The following ANK3 variants were observed in gnomAD, a reference collection of about 807,000 sequenced individuals.
ANK3 encodes the protein ankyrin 3.
In ANK3, 57 loss-of-function variants were observed where a neutral mutation model predicts 370.9. The ratio of observed to expected loss-of-function variants is 0.15; its 90% CI spans 0.12 to 0.19. The LOEUF is 0.19. Ranked by LOEUF, ANK3 falls within the 10% of genes least tolerant of loss-of-function variation. The pLI, the probability that ANK3 is intolerant of heterozygous loss-of-function variation, is 1.00. For synonymous variants in ANK3, 1,929 were observed against 1,946.3 expected, an observed-to-expected ratio of 0.99 and a Z score of 0.23; for missense variants, 4,439 against 5,302.1, an observed-to-expected ratio of 0.84 and a Z score of 5.06.
Position 60,403,680 on chromosome 10 carries a change from C to T in ANK3, c.97-124041G>A, listed in dbSNP as rs72806153. ...TCGGCTCATTGCAAGCTCCACCTCC[C>T]GGGTTCACACCATTCTCCTGAGTAT... On this transcript the variant is annotated intron_variant, in intron 2 of 43. Transcript: ENST00000373827. Among the ~76,000 whole-genome samples, 800 of 152,274 alleles carry T rather than the reference C, an allele frequency of 5.3e-3. 4 individuals are homozygous for T. The highest frequency in any genetic ancestry group is 0.012 in the South Asian group (58 of 4,828).
chr10:60,421,668 A>G (rs2063782096), intron 2 of ANK3, among the ~76,000 whole-genome samples: 2 of 152,018 alleles, frequency 1.3e-5, no homozygotes, highest in South Asian at 4.1e-4. Flanking sequence ...AAAGCAGGCT[A>G]CCATAGATCT....
intron 1 of ANK3, among the ~76,000 whole-genome samples, chr10:60,639,361 C>T (rs148946902): frequency 6.6e-5 from 10 of 150,462 alleles, no homozygotes; most frequent in Non-Finnish European, 1.5e-4. Flanking sequence ...TAGACCTCCA[C>T]TAAAAGATGG....
At chr10:60,559,153 A>G (rs890155491) in intron 2 of ANK3, among the ~76,000 whole-genome samples, 8 of 152,286 alleles carry the variant, frequency 5.3e-5, no homozygotes, top group Non-Finnish European at 1.2e-4. Context: ...TTTTTGGGGA[A>G]CGGGTGGTGT....
chr10:60,352,559 G>C (rs2132702538), intron 1 of ANK3, among the ~76,000 whole-genome samples: 1 of 152,192 alleles, frequency 6.6e-6, no homozygotes, highest in African/African-American at 2.4e-5. Context: ...GGAAACTATG[G>C]TGTTTGGCAT....
At chr10:60,443,533 A>G (rs912930553) in intron 2 of ANK3, among the ~76,000 whole-genome samples, 4 of 152,224 alleles carry the variant, frequency 2.6e-5, no homozygotes, top group Non-Finnish European at 5.9e-5. Context: ...TTCAATGCTT[A>G]CTGCCAACAT....
At chr10:60,565,909 T>G (rs989973704) in intron 2 of ANK3, among the ~76,000 whole-genome samples, 7 of 152,204 alleles carry the variant, frequency 4.6e-5, no homozygotes, top group African/African-American at 1.7e-4. Flanking sequence ...ACCAGCACGA[T>G]TCATTTTATT....
At chr10:60,284,727 G>GA (rs1390671235) in intron 1 of ANK3, among the ~76,000 whole-genome samples, 2 of 151,962 alleles carry the variant, frequency 1.3e-5, no homozygotes, top group Admixed American at 1.3e-4. Flanking sequence ...TGGATCACCT[G>GA]AAAAAATGCA....
intron 2 of ANK3, among the ~76,000 whole-genome samples, chr10:60,589,002 C>T (rs2077873658): frequency 6.6e-6 from 1 of 152,156 alleles, no homozygotes; most frequent in African/African-American, 2.4e-5. Context: ...TTAAGCCTAT[C>T]AACCAAAGGC....
intron 1 of ANK3, among the ~76,000 whole-genome samples, chr10:60,635,599 A>G (rs143676908): frequency 1.3e-5 from 2 of 152,124 alleles, no homozygotes; most frequent in Non-Finnish European, 2.9e-5. Flanking sequence ...AATCCAAACT[A>G]TGAGGAGGTA....
intron 1 of ANK3, among the ~76,000 whole-genome samples, chr10:60,328,897 A>C (rs1310727565): frequency 6.6e-6 from 1 of 152,228 alleles, no homozygotes; most frequent in Non-Finnish European, 1.5e-5. Flanking sequence ...AAATACTGGC[A>C]AACCAAATCC....
chr10:60,331,956 C>CT (rs1296535987), intron 1 of ANK3, among the ~76,000 whole-genome samples: 6 of 148,156 alleles, frequency 4.0e-5, no homozygotes, highest in Non-Finnish European at 5.9e-5. Context: ...TAGGTAACAT[C>CT]TTTTTTTCTT....
At chr10:60,250,111 G>A (rs1204588755) in intron 7 of ANK3, among the ~76,000 whole-genome samples, 4 of 152,180 alleles carry the variant, frequency 2.6e-5, no homozygotes, top group African/African-American at 7.2e-5. Flanking sequence ...ACAAGTAAAT[G>A]ATTTTTAAAG....
intron 2 of ANK3, among the ~76,000 whole-genome samples, chr10:60,520,340 G>A (rs1334341581): frequency 6.6e-6 from 1 of 152,066 alleles, no homozygotes; most frequent in Admixed American, 6.6e-5. Flanking sequence ...CTACCTGGGT[G>A]ATGGGACAAT....
chr10:60,493,973 T>G (rs2075590791), intron 2 of ANK3, among the ~76,000 whole-genome samples: 1 of 152,174 alleles, frequency 6.6e-6, no homozygotes, highest in Non-Finnish European at 1.5e-5. Flanking sequence ...CATGATAATA[T>G]CATTTCCTCT....
At chr10:60,579,330 A>T (rs1421318719) in intron 2 of ANK3, among the ~76,000 whole-genome samples, 53 of 142,518 alleles carry the variant, frequency 3.7e-4, no homozygotes, top group African/African-American at 1.4e-3. Flanking sequence ...TCTCAATAAA[A>T]AAAAAAAAAA....
chr10:60,617,349 G>A (rs1333665332), intron 1 of ANK3, among the ~76,000 whole-genome samples: 3 of 151,878 alleles, frequency 2.0e-5, no homozygotes, highest in South Asian at 2.1e-4. Flanking sequence ...TAGGTATAAC[G>A]TGAGATGAGT....
rs2078138078 is a variant in ANK3, at chr10:60,051,996, ATTTTGGACTTCTATGAAATT to A, written c.13065+3642_13065+3661del. Among the ~76,000 whole-genome samples, 3 of 152,154 alleles carry A rather than the reference ATTTTGGACTTCTATGAAATT, an allele frequency of 2.0e-5. No individual in the cohort carries two copies. The South Asian group carries it at 6.2e-4, about 32-fold the overall frequency. On this transcript the variant is annotated intron_variant, in intron 42 of 43. Coordinates refer to ENST00000280772, the MANE Select transcript of ANK3 (RefSeq NM_020987.5). ...TTTGATCTACAGAAAGAGGCATAAT[ATTTTGGACTTCTATGAAATT>A]TTGGTCAAATTTGACAACCTTATTA...
At chr10:60,145,294 T>C (rs2094759275) in intron 23 of ANK3, among the ~76,000 whole-genome samples, 1 of 152,234 alleles carries the variant, frequency 6.6e-6, no homozygotes, top group Admixed American at 6.5e-5. Context: ...TCTACTGATT[T>C]ACTAGGAGTT....
At chr10:60,064,524 C>T (rs942685987) in intron 38 of ANK3, among the ~76,000 whole-genome samples, 4 of 152,046 alleles carry the variant, frequency 2.6e-5, no homozygotes, top group Non-Finnish European at 5.9e-5. Flanking sequence ...TAGAGACCAT[C>T]TTATAAAGAT....
Sources: gnomAD v4.1 joint callset for allele counts (sites outside exome capture counted in the v4.1 genomes callset) on GRCh38, gnomAD v4.1.1 for gene constraint, MANE v1.5 for transcripts, NCBI Gene and HGNC (gene_info 2026-07-23, HGNC 2026-07-21) for gene names.